Variants in FLACC1 observed in about 807,000 individuals in gnomAD.
FLACC1 encodes flagellum-associated coiled-coil domain-containing protein 1.
FLACC1 carries 66 observed loss-of-function variants against 62.8 expected under a neutral mutation model. The ratio of observed to expected loss-of-function variants is 1.05; its 90% confidence interval spans 0.86 to 1.29. The LOEUF is 1.29. Among genes scored for constraint, FLACC1 ranks in the 50% most tolerant of loss-of-function variants. FLACC1 has a pLI of 0.00. For synonymous variants in FLACC1, 156 were observed against 161.0 expected, an observed-to-expected ratio of 0.97 and a Z score of 0.24; for missense variants, 452 against 489.1, an observed-to-expected ratio of 0.92 and a Z score of 0.71.
In FLACC1 at chr2:201,345,282, CCCTGGGTGGCCCTCT is replaced by C. The variant is rs957001101; in HGVS notation, c.369-1034_369-1020del. ...GATAAGCAGGGTGAATGCCCCTGGCCCCTGGGTGGCCCTCTGGGCCAGGTCAGATCAGGGAGACTC... is the reference window on the plus strand; with the variant it reads ...GATAAGCAGGGTGAATGCCCCTGGCCGGGCCAGGTCAGATCAGGGAGACTC... On this transcript the variant is annotated intron_variant, in intron 5 of 14. Coordinates refer to ENST00000392257, the MANE Select transcript of FLACC1 (RefSeq NM_001127391.3). Among the ~76,000 whole-genome samples the C allele has an allele frequency of 7.2e-5, 11 of 152,160 alleles. 1 individual carries two copies. The highest frequency in any genetic ancestry group is 2.4e-4 in the African/African-American group (10 of 41,430).
chr2:201,292,618 T>C (rs1949762060), intron 12 of FLACC1, among the ~76,000 whole-genome samples: 1 of 152,254 alleles, frequency 6.6e-6, no homozygotes, highest in South Asian at 2.1e-4. Flanking sequence ...CTGCATCAAC[T>C]AACGAGCAAA....
At chr2:201,332,647 T>C (rs973703836) in intron 7 of FLACC1, among the ~76,000 whole-genome samples, 1 of 152,144 alleles carries the variant, frequency 6.6e-6, no homozygotes, top group African/African-American at 2.4e-5. Flanking sequence ...GTGCAATAGA[T>C]CTAAGAAAAT....
At chr2:201,315,083 C>T (rs905702070) in intron 9 of FLACC1, among the ~76,000 whole-genome samples, 1 of 152,048 alleles carries the variant, frequency 6.6e-6, no homozygotes, top group Non-Finnish European at 1.5e-5. Context: ...AACAGAACCT[C>T]TTTAAAGCAT....
chr2:201,315,580 G>A (rs889975375), intron 9 of FLACC1, among the ~76,000 whole-genome samples: 1 of 152,114 alleles, frequency 6.6e-6, no homozygotes, highest in Non-Finnish European at 1.5e-5. Context: ...CCTAAAAAAT[G>A]AGATAGACAG....
rs375361471 is a variant in FLACC1 at position 201,326,399 on chromosome 2, A to G, written c.675+4071T>C. The stretch of plus-strand genomic sequence containing the variant: ...CAAACTATTGCTGTTTGAAGATTAT[A>G]TAATTGTATACCTAGAAAATCCTAA... On this transcript the variant is annotated intron_variant, in intron 9 of 14. Coordinates refer to ENST00000392257, the MANE Select transcript of FLACC1 (RefSeq NM_001127391.3). This position sits in a 1 kb window ranked among gnomAD's most constrained non-coding sequence, Gnocchi z 4.1. 3.5e-4 allele frequency among the ~76,000 whole-genome samples: 54 copies of G among 152,364 alleles called. No homozygotes were observed. The highest frequency in any genetic ancestry group is 1.2e-3 in the African/African-American group (50 of 41,586).
At chr2:201,294,413 A>C in intron 12 of FLACC1, among the ~76,000 whole-genome samples, 1 of 152,226 alleles carries the variant, frequency 6.6e-6, no homozygotes, top group Non-Finnish European at 1.5e-5. Flanking sequence ...CGAACCAATG[A>C]CAAAAACCAC....
intron 12 of FLACC1, among the ~76,000 whole-genome samples, chr2:201,294,641 C>T (rs968113381): frequency 7.9e-5 from 12 of 152,216 alleles, no homozygotes; most frequent in Admixed American, 3.9e-4. Context: ...TCACCACTCC[C>T]ATTCAACATA....
chr2:201,316,406 A>G lies in FLACC1; in HGVS notation c.676-7156T>C, dbSNP rs564072647. The stretch of plus-strand genomic sequence containing the variant: ...AACTGACACCACAGAAATACAAGAG[A>G]TCATTCAAGGCTACTGTGAACACCT... On this transcript the variant is annotated intron_variant, in intron 9 of 14. Coordinates refer to ENST00000392257, the MANE Select transcript of FLACC1 (RefSeq NM_001127391.3). Among the ~76,000 whole-genome samples, 15 of 152,318 alleles carry G rather than the reference A, an allele frequency of 9.8e-5. No homozygotes were observed. In the East Asian group the frequency reaches 1.9e-3, roughly 20 times the overall value.
upstream of FLACC1, among the ~76,000 whole-genome samples, chr2:201,358,803 C>T (rs1051887296): frequency 6.6e-6 from 1 of 152,132 alleles, no homozygotes; most frequent in Admixed American, 6.5e-5. Flanking sequence ...TCAAGTGATC[C>T]TCCTGCTTCG....
At chr2:201,322,818 GA>G (rs1255653039) in intron 9 of FLACC1, among the ~76,000 whole-genome samples, 13 of 151,914 alleles carry the variant, frequency 8.6e-5, no homozygotes, top group Non-Finnish European at 1.9e-4. Flanking sequence ...AGAGAAAGAT[GA>G]AAACTATTAT....
intron 7 of FLACC1, 138 bp from the exon 8 acceptor site, chr2:201,330,971 C>CT (rs375781288): frequency 0.049 from 20,564 of 423,096 alleles, 6 homozygotes; most frequent in East Asian, 0.078. Flanking sequence ...ATTTTTAAAT[C>CT]TTTTTTTTTT....
At chr2:201,289,127 A>G (rs556619209) in intron 14 of FLACC1, among the ~76,000 whole-genome samples, 45 of 150,712 alleles carry the variant, frequency 3.0e-4, no homozygotes, top group African/African-American at 1.0e-3. Context: ...TGGCAAGACC[A>G]TCAGACTCCC....
chr2:201,300,980 G>C (rs888105587), intron 11 of FLACC1, among the ~76,000 whole-genome samples: 26 of 152,298 alleles, frequency 1.7e-4, no homozygotes, highest in African/African-American at 6.3e-4. Flanking sequence ...GGGGAAACCA[G>C]AGCAGAATAG....
intron 9 of FLACC1, among the ~76,000 whole-genome samples, chr2:201,315,037 C>T (rs934432516): frequency 2.0e-5 from 3 of 152,114 alleles, no homozygotes; most frequent in Non-Finnish European, 4.4e-5. Flanking sequence ...CTAAAAGGAG[C>T]TCTAAATCTT....
At chr2:201,298,974 G>T (rs1949921825) in intron 12 of FLACC1, among the ~76,000 whole-genome samples, 1 of 152,186 alleles carries the variant, frequency 6.6e-6, no homozygotes, top group Non-Finnish European at 1.5e-5. Context: ...TGCTAGAAAT[G>T]AAAGTCATTC....
intron 11 of FLACC1, among the ~76,000 whole-genome samples, chr2:201,303,608 C>T (rs1950036825): frequency 6.6e-6 from 1 of 152,168 alleles, no homozygotes; most frequent in South Asian, 2.1e-4. Context: ...ATACCAAAGC[C>T]TGGCAGAGAC....
chr2:201,300,286 T>TGGCTGGGAGGGTCCCACGCCC (rs1260937574), intron 11 of FLACC1, among the ~76,000 whole-genome samples: 2 of 152,342 alleles, frequency 1.3e-5, no homozygotes, highest in East Asian at 3.9e-4. Flanking sequence ...ATCCCATGCA[T>TGGCTGGGAGGGTCCCACGCCC]GGCTGGGAGG....
At chr2:201,318,137 A>G (rs752600723) in intron 9 of FLACC1, among the ~76,000 whole-genome samples, 2 of 152,254 alleles carry the variant, frequency 1.3e-5, no homozygotes, top group Non-Finnish European at 2.9e-5. Flanking sequence ...TGAAAATATA[A>G]AAATTCTAGA....
At chr2:201,307,994 T>A (rs1950140776) in intron 10 of FLACC1, among the ~76,000 whole-genome samples, 1 of 152,238 alleles carries the variant, frequency 6.6e-6, no homozygotes. Context: ...GCAATAAAAT[T>A]CATCCTGTAC....
Sources: gnomAD v4.1 joint callset for allele counts (sites outside exome capture counted in the v4.1 genomes callset) on GRCh38, gnomAD v4.1.1 for gene constraint, Gnocchi (gnomAD v3.1) non-coding constraint, MANE v1.5 for transcripts, NCBI Gene and HGNC (gene_info 2026-07-23, HGNC 2026-07-21) for gene names.